The following GPATCH2 variants were observed in gnomAD, a reference collection of about 807,000 sequenced individuals.
The protein encoded by GPATCH2 is G-patch domain containing 2.
GPATCH2 carries 51 observed loss-of-function variants against 58.0 expected under a neutral mutation model. The observed-to-expected ratio is 0.88, with a 90% confidence interval of 0.70 to 1.11. GPATCH2 has a LOEUF of 1.11. GPATCH2 is among the 50% of genes most tolerant of loss of function. The pLI, the probability that GPATCH2 is intolerant of heterozygous loss-of-function variation, is 0.00. For synonymous variants in GPATCH2, 222 were observed against 218.5 expected, an observed-to-expected ratio of 1.02 and a Z score of -0.14; for missense variants, 625 against 652.2, an observed-to-expected ratio of 0.96 and a Z score of 0.45.
intron 6 of GPATCH2, among the ~76,000 whole-genome samples, chr1:217,510,725 G>C (rs1262804850): frequency 6.6e-6 from 1 of 152,040 alleles, no homozygotes; most frequent in Non-Finnish European, 1.5e-5. Flanking sequence ...AACACTTTCG[G>C]AGTTTTGTGC....
At chr1:217,505,232 C>T (rs775514928) in intron 6 of GPATCH2, among the ~76,000 whole-genome samples, 2 of 152,158 alleles carry the variant, frequency 1.3e-5, no homozygotes, top group African/African-American at 2.4e-5. Flanking sequence ...AGGAACTAAG[C>T]GTGGCATATT....
At chr1:217,569,993 C>T (rs1666457341) in intron 5 of GPATCH2, among the ~76,000 whole-genome samples, 3 of 152,140 alleles carry the variant, frequency 2.0e-5, no homozygotes, top group Admixed American at 6.6e-5. Context: ...TTCAAATCCT[C>T]AGATTTTTGA....
chr1:217,587,600 C>T (rs974825362), intron 5 of GPATCH2, among the ~76,000 whole-genome samples: 2 of 152,052 alleles, frequency 1.3e-5, no homozygotes, highest in African/African-American at 4.8e-5. Context: ...TCTGTATGAA[C>T]AGTAGTGTGA....
chr1:217,524,688 G>C (rs886720811), intron 5 of GPATCH2, among the ~76,000 whole-genome samples: 5 of 151,230 alleles, frequency 3.3e-5, no homozygotes, highest in Admixed American at 6.6e-5. Flanking sequence ...GCGAAACCCC[G>C]TCTCCACCCA....
intron 9 of GPATCH2, among the ~76,000 whole-genome samples, chr1:217,446,564 A>C (rs1659394997): frequency 6.6e-6 from 1 of 152,130 alleles, no homozygotes; most frequent in African/African-American, 2.4e-5. Flanking sequence ...TTAGAGACAA[A>C]CAGTTATGCA....
Position 217,512,324 on chromosome 1 carries a change from T to C in GPATCH2, c.1166+2498A>G, listed in dbSNP as rs576838156. On this transcript the variant is annotated intron_variant, in intron 6 of 9. Transcript: ENST00000366935. ...GCCTGGGCAGCAGAGCAAGACCCTG[T>C]CTAAAAAAATAAATAAATAAAACAA... 3.7e-4 allele frequency among the ~76,000 whole-genome samples: 57 copies of C among 152,120 alleles called. 1 individual carries two copies. The highest frequency in any genetic ancestry group is 3.5e-3 in the Admixed American group (54 of 15,276).
intron 5 of GPATCH2, among the ~76,000 whole-genome samples, chr1:217,538,138 A>G (rs965114427): frequency 1.3e-5 from 2 of 152,244 alleles, no homozygotes; most frequent in African/African-American, 4.8e-5. Context: ...TTTGAACCCA[A>G]GAAATTTTAC....
chr1:217,446,932 G>A (rs1478684042), intron 9 of GPATCH2, among the ~76,000 whole-genome samples: 1 of 152,074 alleles, frequency 6.6e-6, no homozygotes, highest in Non-Finnish European at 1.5e-5. Flanking sequence ...ACATATGTTC[G>A]GAGTGTTAGG....
chr1:217,450,098 G>A (rs1277818922), intron 8 of GPATCH2, among the ~76,000 whole-genome samples: 5 of 151,922 alleles, frequency 3.3e-5, no homozygotes, highest in Admixed American at 1.3e-4. Flanking sequence ...AAATCAAGAC[G>A]AATACAAAAA....
intron 8 of GPATCH2, among the ~76,000 whole-genome samples, chr1:217,450,993 A>AG (rs1301683407): frequency 1.3e-5 from 2 of 152,056 alleles, no homozygotes; most frequent in African/African-American, 4.8e-5. Context: ...GAAAATGGGG[A>AG]GGGGGAAAAG....
rs543109534 is a variant in GPATCH2 at position 217,453,788 on chromosome 1, A to G, written c.1278-4451T>C. Among the ~76,000 whole-genome samples the G allele has an allele frequency of 1.4e-3, 216 of 152,318 alleles. 1 individual carries two copies. The highest frequency in any genetic ancestry group is 2.6e-3 in the Non-Finnish European group (175 of 68,028). On this transcript the variant is annotated intron_variant, in intron 8 of 9. Transcript: ENST00000366935. Reference sequence around the variant, plus strand: ...GAAGCAGGCAGTGTCAGACGCAATAATAGTAAAGAGAAGACAAGAGGAACT... The same window carrying G: ...GAAGCAGGCAGTGTCAGACGCAATAGTAGTAAAGAGAAGACAAGAGGAACT...
At chr1:217,485,345 G>A (rs191447935) in intron 8 of GPATCH2, among the ~76,000 whole-genome samples, 1 of 152,058 alleles carries the variant, frequency 6.6e-6, no homozygotes, top group Non-Finnish European at 1.5e-5. Context: ...ACACCCTTAC[G>A]GACAAACCCA....
intron 5 of GPATCH2, among the ~76,000 whole-genome samples, chr1:217,538,633 C>T (rs1664588079): frequency 6.6e-6 from 1 of 152,108 alleles, no homozygotes; most frequent in East Asian, 1.9e-4. Flanking sequence ...TGGGTAACAC[C>T]CTGGCCTCTC....
chr1:217,559,122 G>C (rs1223221333), intron 5 of GPATCH2, among the ~76,000 whole-genome samples: 2 of 151,928 alleles, frequency 1.3e-5, no homozygotes, highest in African/African-American at 4.8e-5. Flanking sequence ...AATCTTCTCG[G>C]ATGTTACAAT....
chr1:217,532,666 T>G (rs900197259), intron 5 of GPATCH2, among the ~76,000 whole-genome samples: 3 of 151,982 alleles, frequency 2.0e-5, no homozygotes, highest in Non-Finnish European at 2.9e-5. Context: ...CCCTGAAGGA[T>G]AAGATGGAGC....
intron 8 of GPATCH2, among the ~76,000 whole-genome samples, chr1:217,483,749 G>C (rs1266334898): frequency 2.0e-5 from 3 of 152,008 alleles, no homozygotes; most frequent in African/African-American, 7.3e-5. Flanking sequence ...TAACATCTTT[G>C]CATATGCAAT....
At chr1:217,467,256 G>A (rs1660504952) in intron 8 of GPATCH2, among the ~76,000 whole-genome samples, 1 of 152,126 alleles carries the variant, frequency 6.6e-6, no homozygotes, top group South Asian at 2.1e-4. Flanking sequence ...GAAAATAACT[G>A]CTTGTGAAAA....
chr1:217,457,314 A>G (rs1659989193), intron 8 of GPATCH2, among the ~76,000 whole-genome samples: 1 of 152,234 alleles, frequency 6.6e-6, no homozygotes, highest in Non-Finnish European at 1.5e-5. Context: ...AAGGCTTTTT[A>G]TCAGCCTTTG....
rs757465494 is a variant in GPATCH2, at chr1:217,538,157, T to C, written c.1099-23268A>G. Among the ~76,000 whole-genome samples, 117 of 152,238 alleles carry C rather than the reference T, an allele frequency of 7.7e-4. 1 individual carries two copies. Among genetic ancestry groups the C allele is most frequent in the Non-Finnish European group, 3.2e-4 (22 of 68,020 alleles). ...AACCCAAGAAATTTTACAAGAGAAA[T>C]ATTCAAGAGATCCAAAAGGCATGAT... On this transcript the variant is annotated intron_variant, in intron 5 of 9. Transcript: ENST00000366935.
Sources: gnomAD v4.1 joint callset for allele counts (sites outside exome capture counted in the v4.1 genomes callset) on GRCh38, gnomAD v4.1.1 for gene constraint, MANE v1.5 for transcripts, NCBI Gene and HGNC (gene_info 2026-07-23, HGNC 2026-07-21) for gene names.